The following LHFPL6 variants were observed in gnomAD, a reference collection of about 807,000 sequenced individuals.
LHFPL6 encodes LHFPL tetraspan subfamily member 6, also known as LHFPL tetraspan subfamily member 6 protein.
In LHFPL6, 9 loss-of-function variants were observed where a neutral mutation model predicts 20.6. The ratio of observed to expected loss-of-function variants is 0.44; its 90% CI spans 0.26 to 0.76. The LOEUF is 0.76. LHFPL6 is among the 30% of genes least tolerant of loss of function. The pLI, the probability that LHFPL6 is intolerant of heterozygous loss-of-function variation, is 0.20. For missense variants in LHFPL6, 218 were observed against 253.5 expected, an observed-to-expected ratio of 0.86 and a Z score of 0.95; for synonymous variants, 105 against 98.7, an observed-to-expected ratio of 1.06 and a Z score of -0.38.
intron 2 of LHFPL6, among the ~76,000 whole-genome samples, chr13:39,432,034 C>A (rs1303451657): frequency 6.6e-6 from 1 of 152,034 alleles, no homozygotes; most frequent in African/African-American, 2.4e-5. Context: ...TAGATTAGTG[C>A]CTTATAAAAG....
chr13:39,578,380 T>C (rs1872182034), intron 2 of LHFPL6, among the ~76,000 whole-genome samples: 1 of 152,170 alleles, frequency 6.6e-6, no homozygotes, highest in Admixed American at 6.5e-5. Context: ...TAGGAACAGA[T>C]ATAAGAAAAT....
intron 2 of LHFPL6, among the ~76,000 whole-genome samples, chr13:39,582,807 T>C (rs2138540979): frequency 6.6e-6 from 1 of 152,310 alleles, no homozygotes; most frequent in African/African-American, 2.4e-5. Flanking sequence ...ACACCAGATT[T>C]TGAGCCTCCT....
Position 39,439,870 on chromosome 13 carries a change from C to T in LHFPL6, c.386-61344G>A, listed in dbSNP as rs149901171. Among the ~76,000 whole-genome samples, 71 of 152,290 alleles carry T rather than the reference C, an allele frequency of 4.7e-4. No individual in the cohort carries two copies. In the East Asian group the frequency reaches 0.012, roughly 26 times the overall value. ...GCAGAAGCAGAAGCTGCTATGCTTC[C>T]TGTACAGCCTGTAGAACTGTGAGTC... is the stretch of plus-strand genomic sequence containing the variant. On this transcript the variant is annotated intron_variant, in intron 2 of 3. Coordinates refer to ENST00000379589, the MANE Select transcript of LHFPL6 (RefSeq NM_005780.3).
At chr13:39,389,759 T>C (rs1009824077) in intron 2 of LHFPL6, among the ~76,000 whole-genome samples, 1 of 152,182 alleles carries the variant, frequency 6.6e-6, no homozygotes, top group Non-Finnish European at 1.5e-5. Context: ...GCAAACTATT[T>C]GAGGGAAAAT....
At chr13:39,565,378 C>T (rs577225306) in intron 2 of LHFPL6, among the ~76,000 whole-genome samples, 25 of 152,146 alleles carry the variant, frequency 1.6e-4, no homozygotes, top group Admixed American at 1.0e-3. Flanking sequence ...AAATTACATA[C>T]GACAATACAG....
chr13:39,525,616 G>A (rs1870262021), intron 2 of LHFPL6, among the ~76,000 whole-genome samples: 1 of 151,924 alleles, frequency 6.6e-6, no homozygotes, highest in Non-Finnish European at 1.5e-5. Flanking sequence ...GACCTGCATA[G>A]CCTTGCATCT....
At chr13:39,541,676 G>A (rs933982677) in intron 2 of LHFPL6, among the ~76,000 whole-genome samples, 1 of 152,108 alleles carries the variant, frequency 6.6e-6, no homozygotes, top group African/African-American at 2.4e-5. Flanking sequence ...CTTTTTCTAT[G>A]TGTCTATTCC....
chr13:39,517,952 G>T (rs952342082), intron 2 of LHFPL6, among the ~76,000 whole-genome samples: 7 of 152,132 alleles, frequency 4.6e-5, no homozygotes, highest in African/African-American at 1.7e-4. Context: ...GCCATGGGTG[G>T]GCCTGTGCCA....
chr13:39,521,414 A>G (rs139974919), intron 2 of LHFPL6, among the ~76,000 whole-genome samples: 42 of 152,326 alleles, frequency 2.8e-4, no homozygotes, highest in Non-Finnish European at 5.6e-4. Flanking sequence ...TGTGCATTAC[A>G]TGTACATTTC....
chr13:39,461,400 G>A (rs1343473578), intron 2 of LHFPL6, among the ~76,000 whole-genome samples: 1 of 152,174 alleles, frequency 6.6e-6, no homozygotes, highest in Non-Finnish European at 1.5e-5. Flanking sequence ...CAAGCTCTTT[G>A]AGAAATCTCC....
intron 2 of LHFPL6, among the ~76,000 whole-genome samples, chr13:39,497,217 G>A (rs985745893): frequency 5.3e-5 from 8 of 152,146 alleles, no homozygotes; most frequent in Non-Finnish European, 1.0e-4. Context: ...TTATGGTAAT[G>A]CTTAGAAAAA....
chr13:39,562,673 CAT>C (rs35061491), intron 2 of LHFPL6, among the ~76,000 whole-genome samples: 49,566 of 142,226 alleles, frequency 0.35, 9,638 homozygotes, highest in Non-Finnish European at 0.44. Flanking sequence ...TATATACACA[CAT>C]ATATACACAC....
intron 2 of LHFPL6, among the ~76,000 whole-genome samples, chr13:39,382,445 C>G (rs1325305811): frequency 6.6e-6 from 1 of 152,068 alleles, no homozygotes; most frequent in Admixed American, 6.5e-5. Flanking sequence ...TGCTGTTTCC[C>G]AGGCTGGAGT....
At chr13:39,446,841 A>G (rs893382316) in intron 2 of LHFPL6, among the ~76,000 whole-genome samples, 4 of 152,216 alleles carry the variant, frequency 2.6e-5, no homozygotes, top group African/African-American at 9.6e-5. Context: ...TAATTTGTCC[A>G]TATCCAATCC....
At chr13:39,599,597 A>C (rs1872869884) in intron 2 of LHFPL6, among the ~76,000 whole-genome samples, 1 of 152,246 alleles carries the variant, frequency 6.6e-6, no homozygotes. Flanking sequence ...ATGAGAACAA[A>C]GTTACATCAG....
chr13:39,465,383 C>T (rs1054853982), intron 2 of LHFPL6, among the ~76,000 whole-genome samples: 3 of 152,152 alleles, frequency 2.0e-5, no homozygotes, highest in Non-Finnish European at 2.9e-5. Flanking sequence ...AAATTCTAGG[C>T]TCTTGCCTGT....
At chr13:39,408,072 C>T (rs890343855) in intron 2 of LHFPL6, among the ~76,000 whole-genome samples, 1 of 152,278 alleles carries the variant, frequency 6.6e-6, no homozygotes. Flanking sequence ...GATGTTTATA[C>T]TCAGCTATCT....
intron 2 of LHFPL6, among the ~76,000 whole-genome samples, chr13:39,535,516 C>T (rs1870590030): frequency 6.6e-6 from 1 of 152,092 alleles, no homozygotes; most frequent in African/African-American, 2.4e-5. Context: ...GTGGAAGAAA[C>T]TTAGATAAAA....
In LHFPL6 at chr13:39,431,657, T is replaced by C. The variant is rs539933573; in HGVS notation, c.386-53131A>G. On this transcript the variant is annotated intron_variant, in intron 2 of 3. Transcript: ENST00000379589. Reference sequence around the variant, plus strand: ...CCACACACTGTCTTCTCCATCTAAGTTGATGAGAACTCCAAATTCTCATTG... The same window carrying C: ...CCACACACTGTCTTCTCCATCTAAGCTGATGAGAACTCCAAATTCTCATTG... Among the ~76,000 whole-genome samples the C allele has an allele frequency of 2.8e-5, 4 of 143,698 alleles. No homozygotes were observed. The South Asian group carries it at 9.2e-4, about 33-fold the overall frequency. 94.3% of individuals were successfully genotyped at this position (143,698 alleles called of 152,430 possible). A position where few individuals can be genotyped will look rare whatever the true frequency, so the allele number is the denominator to read the frequency against.
Sources: allele counts gnomAD v4.1 joint callset (sites outside exome capture counted in the v4.1 genomes callset), GRCh38; gene constraint gnomAD v4.1.1; transcripts MANE v1.5; gene names NCBI Gene and HGNC (gene_info 2026-07-23, HGNC 2026-07-21).